The following AKR1C8 variants were observed in gnomAD, a reference collection of about 807,000 sequenced individuals.
AKR1C8 encodes the protein aldo-keto reductase family 1 member C8.
chr10:5,176,821 T>C, the AKR1C8 span, among the ~76,000 whole-genome samples: 1 of 152,298 alleles, frequency 6.6e-6, no homozygotes, highest in African/African-American at 2.4e-5. Flanking sequence ...TTTTTGTACA[T>C]TGAGTTTGTA....
chr10:5,164,984 T>C, the AKR1C8 span, among the ~76,000 whole-genome samples: 1 of 152,182 alleles, frequency 6.6e-6, no homozygotes, highest in Non-Finnish European at 1.5e-5. Flanking sequence ...TATATTCTTA[T>C]TGGGTAAACT....
At chr10:5,121,871 G>A in the AKR1C8 span, among the ~76,000 whole-genome samples, 1 of 152,074 alleles carries the variant, frequency 6.6e-6, no homozygotes, top group Non-Finnish European at 1.5e-5. Flanking sequence ...GATTCACAAT[G>A]GTGCAGACAT....
the AKR1C8 span, among the ~76,000 whole-genome samples, chr10:5,176,409 T>C: frequency 0.5 from 68,410 of 136,690 alleles, 18,381 homozygotes; most frequent in Non-Finnish European, 0.59. Context: ...AGTCAGGTAG[T>C]GTGATGCCTC....
chr10:5,167,344 T>C, the AKR1C8 span, among the ~76,000 whole-genome samples: 12 of 152,306 alleles, frequency 7.9e-5, no homozygotes, highest in Non-Finnish European at 1.8e-4. Flanking sequence ...CATATGTTTA[T>C]TGCGGCACTA....
chr10:5,133,566 G>T, the AKR1C8 span, among the ~76,000 whole-genome samples: 1 of 152,128 alleles, frequency 6.6e-6, no homozygotes, highest in Non-Finnish European at 1.5e-5. Context: ...TTGTCTACAA[G>T]GGATGCTATT....
the AKR1C8 span, among the ~76,000 whole-genome samples, chr10:5,117,930 A>G: frequency 6.6e-6 from 1 of 152,108 alleles, no homozygotes; most frequent in Non-Finnish European, 1.5e-5. Flanking sequence ...CCTACATCGA[A>G]AATTCAGCAT....
the AKR1C8 span, chr10:5,135,158 G>A: frequency 0.47 from 102,587 of 220,392 alleles, 25,674 homozygotes; most frequent in East Asian, 0.86. Context: ...GAGGTACACA[G>A]GTGCCAAATC....
At chr10:5,165,917 G>A in the AKR1C8 span, among the ~76,000 whole-genome samples, 4 of 152,080 alleles carry the variant, frequency 2.6e-5, no homozygotes, top group East Asian at 5.8e-4. Flanking sequence ...TACTCCTAAC[G>A]ACTAACTTGT....
chr10:5,177,462 C>T, the AKR1C8 span, among the ~76,000 whole-genome samples: 431 of 152,040 alleles, frequency 2.8e-3, 3 homozygotes, highest in Non-Finnish European at 4.2e-3. Context: ...TGTCTCTGCC[C>T]GGCTTTGGTA....
the AKR1C8 span, among the ~76,000 whole-genome samples, chr10:5,141,218 A>G: frequency 2.0e-5 from 3 of 152,298 alleles, no homozygotes; most frequent in Admixed American, 1.3e-4. Flanking sequence ...GTGCATTCAT[A>G]TGAAGGAACT....
At chr10:5,161,193 G>A in the AKR1C8 span, among the ~76,000 whole-genome samples, 210 of 152,242 alleles carry the variant, frequency 1.4e-3, 1 homozygote, top group African/African-American at 4.9e-3. Flanking sequence ...ATCCCTACTC[G>A]TCACTAAGAA....
chr10:5,142,934 C>A, the AKR1C8 span, among the ~76,000 whole-genome samples: 3 of 152,020 alleles, frequency 2.0e-5, no homozygotes, highest in South Asian at 6.3e-4. Context: ...AATACAGTAT[C>A]TTTGAAGGAC....
chr10:5,182,525 A>C, the AKR1C8 span, among the ~76,000 whole-genome samples: 1 of 152,306 alleles, frequency 6.6e-6, no homozygotes, highest in Admixed American at 6.5e-5. Context: ...CAAACCCATG[A>C]CTAGACTCAA....
At chr10:5,177,279 T>C in the AKR1C8 span, among the ~76,000 whole-genome samples, 10 of 152,156 alleles carry the variant, frequency 6.6e-5, no homozygotes, top group East Asian at 1.4e-3. Flanking sequence ...CTGGATTACA[T>C]TTATTGATTT....
At chr10:5,141,307 T>C in the AKR1C8 span, among the ~76,000 whole-genome samples, 1 of 152,286 alleles carries the variant, frequency 6.6e-6, no homozygotes, top group African/African-American at 2.4e-5. Context: ...TCTACCTTTC[T>C]TGCTATTTCC....
chr10:5,120,903 C>T, the AKR1C8 span, among the ~76,000 whole-genome samples: 1 of 152,098 alleles, frequency 6.6e-6, no homozygotes, highest in Admixed American at 6.6e-5. Flanking sequence ...GATGCTATTA[C>T]ATTGCTAAGC....
chr10:5,162,999 C>T, the AKR1C8 span: 3,538 of 534,174 alleles, frequency 6.6e-3, 50 homozygotes, highest in African/African-American at 0.037. Context: ...TTGGTGGCCT[C>T]GGCAGCCTGG....
chr10:5,143,241 T>G, the AKR1C8 span, among the ~76,000 whole-genome samples: 2 of 152,074 alleles, frequency 1.3e-5, no homozygotes, highest in Non-Finnish European at 2.9e-5. Context: ...TTGCTCTCTC[T>G]CTCCTGAAGC....
At chr10:5,181,196 G>A in the AKR1C8 span, among the ~76,000 whole-genome samples, 1 of 152,036 alleles carries the variant, frequency 6.6e-6, no homozygotes, top group Non-Finnish European at 1.5e-5. Flanking sequence ...ATTATTAAAG[G>A]TTTATAAAAA....
Sources: gnomAD v4.1 joint callset for allele counts (sites outside exome capture counted in the v4.1 genomes callset) on GRCh38, gnomAD v4.1.1 for gene constraint, MANE v1.5 for transcripts, NCBI Gene and HGNC (gene_info 2026-07-23, HGNC 2026-07-21) for gene names.